The following ATXN7L1 variants were observed in gnomAD, a reference collection of about 807,000 sequenced individuals.
ATXN7L1 encodes ataxin 7 like 1, also known as ataxin-7-like protein 1.
ATXN7L1 carries 15 observed loss-of-function variants against 70.8 expected under a neutral mutation model. The ratio of observed to expected loss-of-function variants is 0.21; its 90% CI spans 0.14 to 0.33. ATXN7L1 has a LOEUF of 0.33. Among genes scored for constraint, ATXN7L1 ranks in the 10% least tolerant of loss-of-function variants. The pLI is 1.00. For missense variants in ATXN7L1, 975 were observed against 1,097.1 expected, an observed-to-expected ratio of 0.89 and a Z score of 1.57; for synonymous variants, 440 against 445.1, an observed-to-expected ratio of 0.99 and a Z score of 0.14.
At chr7:105,616,341 C>G (rs532195073) in intron 9 of ATXN7L1, among the ~76,000 whole-genome samples, 1 of 152,320 alleles carries the variant, frequency 6.6e-6, no homozygotes, top group Admixed American at 6.5e-5. Context: ...AAATGTCTCT[C>G]CTAGCGTTCC....
chr7:105,825,107 T>C (rs901885671), intron 2 of ATXN7L1, among the ~76,000 whole-genome samples: 1 of 152,192 alleles, frequency 6.6e-6, no homozygotes, highest in Admixed American at 6.5e-5. Flanking sequence ...CGAAAATGTC[T>C]TTAAAATCCC....
chr7:105,701,264 A>G (rs933098620), intron 3 of ATXN7L1, among the ~76,000 whole-genome samples: 1 of 152,228 alleles, frequency 6.6e-6, no homozygotes, highest in Non-Finnish European at 1.5e-5. Context: ...GATGATGCAG[A>G]TCTATATTTA....
rs1372683969 is a variant in ATXN7L1 at position 105,643,011 on chromosome 7, G to C, written c.689C>G (p.Thr230Ser). The C allele has an allele frequency of 6.4e-7, 1 of 1,551,700 alleles. No homozygotes were observed. Among genetic ancestry groups the C allele is most frequent in the Non-Finnish European group, 8.7e-7 (1 of 1,147,022 alleles). ...AGGGGTGGAGACGGCAGAGGACGAG[G>C]TGGAGGAGGCAGAAACTGCAGTAGT... ...TTTTAVSASSTSSSAVSTPPL... is the reference protein window; with the variant it reads ...TTTTAVSASSSSSSAVSTPPL... Residue 230 changes from threonine (T) to serine (S), a missense_variant, in exon 5 of 12, where the codon ACC (threonine) becomes AGC (serine). Around this residue, in one of 5 missense-constraint regions of ATXN7L1, gnomAD observed 192 missense variants for 215.5 expected, o/e 0.89. Transcript: ENST00000419735.
chr7:105,759,138 G>GT (rs1481564181), intron 3 of ATXN7L1, among the ~76,000 whole-genome samples: 1 of 137,514 alleles, frequency 7.3e-6, no homozygotes, highest in African/African-American at 2.8e-5. Flanking sequence ...TTATTTAGTG[G>GT]CCTTTTTTTT....
At chr7:105,610,862 C>A (rs1157926012) in intron 10 of ATXN7L1, among the ~76,000 whole-genome samples, 1 of 152,208 alleles carries the variant, frequency 6.6e-6, no homozygotes, top group Non-Finnish European at 1.5e-5. Flanking sequence ...CTGGCCGGGA[C>A]AGAACAGGGA....
At chr7:105,720,426 T>G (rs1795056712) in intron 3 of ATXN7L1, among the ~76,000 whole-genome samples, 1 of 152,096 alleles carries the variant, frequency 6.6e-6, no homozygotes, top group Non-Finnish European at 1.5e-5. Context: ...TACCGTTCAT[T>G]CATTCATTCA....
At chr7:105,824,758 T>C (rs559626263) in intron 2 of ATXN7L1, among the ~76,000 whole-genome samples, 1 of 151,504 alleles carries the variant, frequency 6.6e-6, no homozygotes, top group East Asian at 1.9e-4. Context: ...AATTGAAGAA[T>C]ATGCATTTCC....
intron 2 of ATXN7L1, among the ~76,000 whole-genome samples, chr7:105,867,378 G>C (rs1817640357): frequency 6.6e-6 from 1 of 152,156 alleles, no homozygotes; most frequent in South Asian, 2.1e-4. Flanking sequence ...AATGCGATGT[G>C]GTACTTTTGA....
At chr7:105,832,232 A>T (rs543678977) in intron 2 of ATXN7L1, among the ~76,000 whole-genome samples, 40 of 152,154 alleles carry the variant, frequency 2.6e-4, no homozygotes, top group South Asian at 1.0e-3. Flanking sequence ...ACAGTGAAAA[A>T]TTTTTTCAAA....
intron 3 of ATXN7L1, among the ~76,000 whole-genome samples, chr7:105,758,617 G>A (rs940288496): frequency 6.6e-5 from 10 of 152,210 alleles, no homozygotes; most frequent in Non-Finnish European, 1.3e-4. Context: ...CTGAAAGGGG[G>A]CCCTCCCCTG....
intron 2 of ATXN7L1, among the ~76,000 whole-genome samples, chr7:105,799,240 C>T (rs190492103): frequency 3.0e-4 from 45 of 152,336 alleles, no homozygotes; most frequent in Admixed American, 2.4e-3. Flanking sequence ...TCGCAGCAGG[C>T]CTCAGCTGTC....
At chr7:105,738,584 T>C (rs1399720734) in intron 3 of ATXN7L1, among the ~76,000 whole-genome samples, 1 of 152,256 alleles carries the variant, frequency 6.6e-6, no homozygotes, top group Non-Finnish European at 1.5e-5. Flanking sequence ...ACTATTCTTA[T>C]CCCTATTTTG....
At chr7:105,624,039 C>A in intron 8 of ATXN7L1, 36 bp downstream of exon 8, 1 of 1,369,030 alleles carries the variant, frequency 7.3e-7, no homozygotes, top group Non-Finnish European at 9.5e-7. Flanking sequence ...AAAGCACAGG[C>A]GAAGAACGCA....
At chr7:105,872,017 G>A (rs956027159) in intron 2 of ATXN7L1, among the ~76,000 whole-genome samples, 11 of 151,280 alleles carry the variant, frequency 7.3e-5, no homozygotes, top group Admixed American at 2.0e-4. Flanking sequence ...TTTTGAGCTG[G>A]AGTCTCGCTC....
chr7:105,798,890 G>A lies in ATXN7L1; in HGVS notation c.251-10182C>T, dbSNP rs114254029. Among the ~76,000 whole-genome samples the A allele has an allele frequency of 1.7e-3, 257 of 152,356 alleles. 2 individuals are homozygous for A. Among genetic ancestry groups the A allele is most frequent in the African/African-American group, 5.6e-3 (231 of 41,582 alleles). On this transcript the variant is annotated intron_variant, in intron 2 of 11. Transcript: ENST00000419735. ...AAATGGGGTGGATGATCAGTTGTAT[G>A]TGGGAGCTAAAACGCTGTATTAAGG...
At chr7:105,639,394 T>C (rs1797853735) in intron 6 of ATXN7L1, 93 bp downstream of exon 6, 10 of 1,001,408 alleles carry the variant, frequency 1.0e-5, no homozygotes, top group Non-Finnish European at 1.5e-5. Flanking sequence ...ATGTCGAGGT[T>C]CCACACCCTG....
At chr7:105,805,091 C>T (rs537666299) in intron 2 of ATXN7L1, among the ~76,000 whole-genome samples, 6 of 152,320 alleles carry the variant, frequency 3.9e-5, no homozygotes, top group African/African-American at 1.2e-4. Context: ...CTTAAAACAA[C>T]GAACGAGCCG....
chr7:105,853,223 A>AT (rs1815151263), intron 2 of ATXN7L1, among the ~76,000 whole-genome samples: 1 of 152,248 alleles, frequency 6.6e-6, no homozygotes, highest in African/African-American at 2.4e-5. Flanking sequence ...AAGTATTAAA[A>AT]TTTTAAGTTA....
At chr7:105,860,162 T>TATATATATAC (rs1342683957) in intron 2 of ATXN7L1, among the ~76,000 whole-genome samples, 1 of 135,812 alleles carries the variant, frequency 7.4e-6, no homozygotes, top group Middle Eastern at 3.9e-3. Flanking sequence ...TATATATATA[T>TATATATATAC]ATATATGAAA....
Sources: allele counts gnomAD v4.1 joint callset (sites outside exome capture counted in the v4.1 genomes callset), GRCh38; gene constraint gnomAD v4.1.1; regional missense constraint gnomAD v4.1.1; transcripts MANE v1.5; gene names NCBI Gene and HGNC (gene_info 2026-07-23, HGNC 2026-07-21).